Variants in INPP4B observed in about 807,000 individuals in gnomAD.
INPP4B encodes the protein inositol polyphosphate 4-phosphatase type II.
INPP4B carries 55 observed loss-of-function variants against 122.5 expected under a neutral mutation model. The ratio of observed to expected loss-of-function variants is 0.45; its 90% CI spans 0.36 to 0.56. The LOEUF (loss-of-function observed/expected upper bound fraction) is 0.56. Among genes scored for constraint, INPP4B ranks in the 20% least tolerant of loss-of-function variants. The probability of loss-of-function intolerance (pLI) is 0.00; values close to 1 mark genes in which losing one functional copy is unlikely to be tolerated. For synonymous variants in INPP4B, 403 were observed against 388.7 expected (o/e 1.04, Z -0.43); for missense variants, 1,000 against 1,097.7 (o/e 0.91, Z 1.26).
chr4:142,545,756 CATGT>C (rs370561069), intron 2 of INPP4B, among the ~76,000 whole-genome samples: 18 of 74,746 alleles, frequency 2.4e-4, no homozygotes, highest in Non-Finnish European at 4.7e-4. Context: ...TATATATACA[CATGT>C]ATATGTGTGT....
chr4:142,052,204 CT>C (rs1437427643), intron 25 of INPP4B, among the ~76,000 whole-genome samples: 3 of 151,728 alleles, frequency 2.0e-5, no homozygotes, highest in African/African-American at 7.3e-5. Context: ...ATATTTATAC[CT>C]TTAATAACTT....
At chr4:142,421,729 A>T (rs1283224950) in intron 5 of INPP4B, among the ~76,000 whole-genome samples, 2 of 152,056 alleles carry the variant, frequency 1.3e-5, no homozygotes, top group Non-Finnish European at 2.9e-5. Flanking sequence ...TCCTAAACCA[A>T]CTGAAATCCT....
intron 7 of INPP4B, among the ~76,000 whole-genome samples, chr4:142,342,732 G>T (rs537148727): frequency 6.6e-6 from 1 of 152,136 alleles, no homozygotes; most frequent in African/African-American, 2.4e-5. Context: ...TTTGTATAAA[G>T]AAATTTTCCC....
intron 1 of INPP4B, among the ~76,000 whole-genome samples, chr4:142,761,726 A>T (rs746737094): frequency 4.6e-5 from 7 of 152,316 alleles, no homozygotes; most frequent in Non-Finnish European, 1.0e-4. Flanking sequence ...TTTGTCAGAT[A>T]TCACATTAAG....
rs144758004 is a variant in INPP4B, at chr4:142,239,833, GTTAC to G, written c.689-1826_689-1823del. Among the ~76,000 whole-genome samples the G allele has an allele frequency of 4.9e-3, 739 of 151,798 alleles. 10 individuals carry two copies. Among genetic ancestry groups the G allele is most frequent in the African/African-American group, 0.017 (705 of 41,438 alleles). On this transcript the variant is annotated intron_variant, in intron 11 of 25. Transcript: ENST00000262992. ...ATTTAGCAACATATATAAATATTTAGTTACTTAGTTTATCTAGAGTCAGTATAAG... is the reference window on the plus strand; with the variant it reads ...ATTTAGCAACATATATAAATATTTAGTTAGTTTATCTAGAGTCAGTATAAG...
intron 1 of INPP4B, among the ~76,000 whole-genome samples, chr4:142,751,312 G>A (rs1276638916): frequency 1.4e-5 from 2 of 147,520 alleles, no homozygotes; most frequent in South Asian, 2.1e-4. Context: ...AAACAAGCCT[G>A]ATGACGACAA....
intron 2 of INPP4B, among the ~76,000 whole-genome samples, chr4:142,471,771 C>A (rs999777438): frequency 4.4e-5 from 6 of 136,172 alleles, no homozygotes; most frequent in African/African-American, 1.6e-4. Context: ...ACCCGCAATC[C>A]AAGCCTGAGC....
intron 2 of INPP4B, among the ~76,000 whole-genome samples, chr4:142,618,534 C>G (rs1744179853): frequency 6.6e-6 from 1 of 151,886 alleles, no homozygotes. Context: ...TACCCACATG[C>G]AAAAAATAAA....
chr4:142,347,410 G>A, intron 7 of INPP4B: 1 of 365,086 alleles, frequency 2.7e-6, no homozygotes, highest in Admixed American at 3.6e-5. Flanking sequence ...AGGGAAAAGT[G>A]CAGCCCTTAT....
intron 2 of INPP4B, among the ~76,000 whole-genome samples, chr4:142,522,495 A>C (rs1485067763): frequency 6.6e-6 from 1 of 151,724 alleles, no homozygotes; most frequent in Non-Finnish European, 1.5e-5. Context: ...CAGGTAATCA[A>C]CACCACTCCT....
At chr4:142,738,468 G>T (rs1270904029) in intron 1 of INPP4B, among the ~76,000 whole-genome samples, 2 of 152,084 alleles carry the variant, frequency 1.3e-5, no homozygotes, top group Non-Finnish European at 2.9e-5. Flanking sequence ...GTGGTGTGGG[G>T]GAAGAGGGGA....
At chr4:142,070,223 C>T (rs1381354494) in intron 25 of INPP4B, among the ~76,000 whole-genome samples, 2 of 152,050 alleles carry the variant, frequency 1.3e-5, no homozygotes, top group Admixed American at 6.6e-5. Context: ...TAAACAGAAC[C>T]AAAGACAAAA....
intron 25 of INPP4B, among the ~76,000 whole-genome samples, chr4:142,067,795 G>T (rs1764456060): frequency 1.3e-5 from 2 of 152,130 alleles, no homozygotes; most frequent in Admixed American, 6.5e-5. Context: ...AGAGTAAAAA[G>T]AAACGAACGA....
intron 3 of INPP4B, among the ~76,000 whole-genome samples, chr4:142,449,057 T>C (rs1813564649): frequency 6.6e-6 from 1 of 152,188 alleles, no homozygotes; most frequent in South Asian, 2.1e-4. Context: ...TTCTCCAGGA[T>C]GTCAGTATGG....
rs551469987 is a variant in INPP4B, at chr4:142,504,197, A to C, written c.-190-41471T>G. Among the ~76,000 whole-genome samples, 4 of 152,214 alleles carry C rather than the reference A, an allele frequency of 2.6e-5. No homozygotes were observed. The East Asian group carries it at 7.7e-4, about 29-fold the overall frequency. On this transcript the variant is annotated intron_variant, in intron 2 of 25. Transcript: ENST00000262992. ...AAATACTATTAAAATTAATAAGAAG[A>C]CAACTCAATAGAAATAGGGGCAAAG...
chr4:142,153,481 G>A (rs1300021849), intron 17 of INPP4B, among the ~76,000 whole-genome samples: 1 of 152,118 alleles, frequency 6.6e-6, no homozygotes, highest in Non-Finnish European at 1.5e-5. Context: ...ATGTATGCAA[G>A]TTTGTATATT....
At chr4:142,675,893 T>A (rs1043296842) in intron 2 of INPP4B, among the ~76,000 whole-genome samples, 1 of 152,048 alleles carries the variant, frequency 6.6e-6, no homozygotes, top group Non-Finnish European at 1.5e-5. Flanking sequence ...CAATATCATA[T>A]TGAATGGGCA....
intron 25 of INPP4B, among the ~76,000 whole-genome samples, chr4:142,048,984 C>A (rs1753036969): frequency 6.6e-6 from 1 of 151,980 alleles, no homozygotes; most frequent in Non-Finnish European, 1.5e-5. Context: ...GTAATTAAGA[C>A]TTACATCATT....
At chr4:142,212,956 G>A (rs779697480) in intron 12 of INPP4B, among the ~76,000 whole-genome samples, 8 of 152,140 alleles carry the variant, frequency 5.3e-5, no homozygotes, top group Non-Finnish European at 1.2e-4. Context: ...CTGGTGTTTT[G>A]GCTGAACTTT....
Sources: allele counts gnomAD v4.1 joint callset (sites outside exome capture counted in the v4.1 genomes callset), GRCh38; gene constraint gnomAD v4.1.1; transcripts MANE v1.5; gene names NCBI Gene and HGNC (gene_info 2026-07-23, HGNC 2026-07-21).